Variants in CDC42BPB observed in about 807,000 individuals in gnomAD.
CDC42BPB encodes CDC42 binding protein kinase beta, also known as serine/threonine-protein kinase MRCK beta.
CDC42BPB carries 37 observed loss-of-function variants against 214.9 expected under a neutral mutation model. That is an observed-to-expected ratio of 0.17 (90% CI 0.13 to 0.23). The LOEUF is 0.23. Ranked by LOEUF, CDC42BPB falls within the 10% of genes least tolerant of loss-of-function variation. CDC42BPB has a pLI of 1.00. For missense variants in CDC42BPB, 1,694 were observed against 2,227.0 expected (o/e 0.76, Z 4.82); for synonymous variants, 931 against 884.0 (o/e 1.05, Z -0.94).
chr14:102,970,195 C>T lies in CDC42BPB; in HGVS notation c.1951G>A (p.Glu651Lys), dbSNP rs138666514. The change falls in exon 14 of 37, where the codon GAG becomes AAG. Residue 651 changes from glutamate to lysine, a missense_variant. Physicochemically the swap from Glu to Lys is moderately conservative, Grantham distance 56. This residue lies in a region of CDC42BPB where 462 missense variants were observed against 513.5 expected (regional missense o/e 0.90). Coordinates refer to ENST00000361246, the MANE Select transcript of CDC42BPB (RefSeq NM_006035.4). The stretch of plus-strand genomic sequence containing the variant: ...CTTTCCATTTGCTTGCAGAAGTTCT[C>T]GCTGTGCTCACGAAGCTTGCGCTCC... ...SKERKLREHS[E>K]NFCKQMESEL... 1.9e-6 allele frequency: 3 copies of T among 1,613,862 alleles called. No homozygotes were observed. The highest frequency in any genetic ancestry group is 1.7e-6 in the Non-Finnish European group (2 of 1,180,012).
intron 22 of CDC42BPB, 139 bp from the exon 23 acceptor site, chr14:102,954,414 T>C: frequency 6.9e-7 from 1 of 1,442,798 alleles, no homozygotes; most frequent in African/African-American, 1.4e-5. Context: ...TGTTGAGACA[T>C]CTGCGGAAGC....
At chr14:102,970,302 C>G (rs1893418285) in intron 13 of CDC42BPB, 41 bp from the exon 14 acceptor site, 7 of 1,571,206 alleles carry the variant, frequency 4.5e-6, no homozygotes, top group Non-Finnish European at 6.0e-6. Flanking sequence ...AAAAAGCGAG[C>G]CCTGCTTCAC....
intron 34 of CDC42BPB, among the ~76,000 whole-genome samples, chr14:102,939,309 A>G: frequency 6.6e-6 from 1 of 152,226 alleles, no homozygotes; most frequent in East Asian, 1.9e-4. Flanking sequence ...CTGAGAAATC[A>G]CCACCTCATG....
At chr14:103,025,695 A>G (rs1171563013) in intron 1 of CDC42BPB, among the ~76,000 whole-genome samples, 2 of 151,370 alleles carry the variant, frequency 1.3e-5, no homozygotes, top group East Asian at 3.9e-4. Flanking sequence ...GCACATGCCT[A>G]TAGTCCCAGC....
At chr14:102,967,921 C>A (rs1434205743) in intron 16 of CDC42BPB, among the ~76,000 whole-genome samples, 1 of 151,872 alleles carries the variant, frequency 6.6e-6, no homozygotes, top group Non-Finnish European at 1.5e-5. Context: ...CGGTGAAAAC[C>A]CGTCTCTACT....
intron 21 of CDC42BPB, among the ~76,000 whole-genome samples, chr14:102,957,886 C>T (rs149716845): frequency 1.3e-5 from 2 of 152,224 alleles, no homozygotes; most frequent in Admixed American, 6.5e-5. Flanking sequence ...CTGGGCAGGC[C>T]GGCCTCTGTG....
At chr14:102,967,380 G>A (rs1893259295) in intron 16 of CDC42BPB, 1 of 984,968 alleles carries the variant, frequency 1.0e-6, no homozygotes, top group South Asian at 4.7e-5. Context: ...TGATGGAGCT[G>A]GAGCTAGTGA....
chr14:103,008,428 C>A, intron 3 of CDC42BPB, 44 bp downstream of exon 3: 1 of 1,270,050 alleles, frequency 7.9e-7, no homozygotes, highest in Non-Finnish European at 1.2e-6. Flanking sequence ...ACTTTCTGCT[C>A]ACCCCAAGCC....
At position 102,949,923 on chromosome 14, in the gene CDC42BPB, A is replaced by C; in HGVS notation, c.3310-19T>G. The C allele has an allele frequency of 6.2e-7, 1 of 1,612,020 alleles. No individual in the cohort carries two copies. Among genetic ancestry groups the C allele is most frequent in the Non-Finnish European group, 8.5e-7 (1 of 1,179,092 alleles). On this transcript the variant is annotated intron_variant, in intron 25 of 36. Coordinates refer to ENST00000361246, the MANE Select transcript of CDC42BPB (RefSeq NM_006035.4). The stretch of plus-strand genomic sequence containing the variant: ...TTGGGACCTATGAATAAAAACAAAC[A>C]GTGGCCACGTTCCACCAGGCCAGGC...
intron 5 of CDC42BPB, among the ~76,000 whole-genome samples, chr14:102,992,440 C>G (rs989105451): frequency 6.6e-6 from 1 of 152,222 alleles, no homozygotes; most frequent in Admixed American, 6.5e-5. Context: ...AATTGACCCT[C>G]AGGCCAGCCA....
chr14:103,002,216 C>T (rs1045357793), intron 4 of CDC42BPB, among the ~76,000 whole-genome samples: 10 of 152,154 alleles, frequency 6.6e-5, no homozygotes, highest in Non-Finnish European at 1.0e-4. Context: ...TAACCCTCAA[C>T]GCCCCCGCTC....
intron 20 of CDC42BPB, among the ~76,000 whole-genome samples, chr14:102,962,046 C>T (rs1196505321): frequency 6.6e-6 from 1 of 152,182 alleles, no homozygotes; most frequent in African/African-American, 2.4e-5. Context: ...AAAAGTCCCT[C>T]AAACATATAA....
intron 1 of CDC42BPB, among the ~76,000 whole-genome samples, chr14:103,053,558 G>T (rs139463482): frequency 6.6e-6 from 1 of 151,276 alleles, no homozygotes; most frequent in South Asian, 2.1e-4. Flanking sequence ...TCTGGAGATC[G>T]AGACCATCCT....
At chr14:102,977,241 C>T (rs35901984) in intron 9 of CDC42BPB, among the ~76,000 whole-genome samples, 4,660 of 147,112 alleles carry the variant, frequency 0.032, 92 homozygotes, top group East Asian at 0.096. Context: ...CAGGAGGCTG[C>T]GGCAGGGGAA....
At chr14:102,977,713 G>A (rs2139502985) in intron 9 of CDC42BPB, among the ~76,000 whole-genome samples, 1 of 152,332 alleles carries the variant, frequency 6.6e-6, no homozygotes, top group Non-Finnish European at 1.5e-5. Context: ...TGCCAATGCT[G>A]GCGGCCTATT....
In CDC42BPB at chr14:102,962,582, G is replaced by A. The variant is rs34710657; in HGVS notation, c.2821+479C>T. ...AAGGAAGGATAGGCTGGGCACGGTG[G>A]CTCACACCTGTAATTCCAGCACTTT... On this transcript the variant is annotated intron_variant, in intron 20 of 36. Transcript: ENST00000361246. 1.1e-3 allele frequency among the ~76,000 whole-genome samples: 167 copies of A among 152,340 alleles called. 1 individual carries two copies. The highest frequency in any genetic ancestry group is 3.8e-3 in the African/African-American group (156 of 41,566).
intron 18 of CDC42BPB, 71 bp from the exon 19 acceptor site, chr14:102,964,721 A>C: frequency 6.7e-7 from 1 of 1,489,312 alleles, no homozygotes; most frequent in Non-Finnish European, 8.9e-7. Context: ...TTAACAAATA[A>C]GTTATCTTTG....
At chr14:102,967,277 C>T (rs571785172) in intron 16 of CDC42BPB, 107 bp from the exon 17 acceptor site, 105 of 1,435,844 alleles carry the variant, frequency 7.3e-5, no homozygotes, top group Non-Finnish European at 9.1e-5. Context: ...TTTCTTTAAT[C>T]GTCATGAGAT....
chr14:102,945,811 G>A, intron 28 of CDC42BPB, 87 bp from the exon 29 acceptor site: 1 of 1,140,482 alleles, frequency 8.8e-7, no homozygotes, highest in Non-Finnish European at 1.3e-6. Flanking sequence ...CTCATTCACA[G>A]ATACTTTTCA....
Sources: allele counts gnomAD v4.1 joint callset (sites outside exome capture counted in the v4.1 genomes callset), GRCh38; gene constraint gnomAD v4.1.1; regional missense constraint gnomAD v4.1.1; transcripts MANE v1.5; gene names NCBI Gene and HGNC (gene_info 2026-07-23, HGNC 2026-07-21).